Variants in SCIN observed in about 807,000 individuals in gnomAD.
The protein encoded by SCIN is adseverin.
A neutral mutation model predicts 91.8 loss-of-function variants in SCIN; 91 were observed. The observed-to-expected ratio is 0.99, with a 90% confidence interval of 0.84 to 1.18. The LOEUF (loss-of-function observed/expected upper bound fraction) is 1.18, where lower values mean the gene tolerates loss of function less well. Among genes scored for constraint, SCIN ranks in the 50% most tolerant of loss-of-function variants. The pLI is 0.00. For missense variants in SCIN, 1,087 were observed against 863.9 expected (o/e 1.26, Z -3.24); for synonymous variants, 367 against 312.6 (o/e 1.17, Z -1.84).
At chr7:12,608,787 C>T (rs1326429788) in intron 4 of SCIN, among the ~76,000 whole-genome samples, 1 of 152,078 alleles carries the variant, frequency 6.6e-6, no homozygotes, top group Non-Finnish European at 1.5e-5. Context: ...TAAATTTGAC[C>T]TTTTAAAAGA....
At chr7:12,644,559 G>A (rs1274917936) in intron 12 of SCIN, 25 bp from the exon 13 acceptor site, 1 of 1,612,106 alleles carries the variant, frequency 6.2e-7, no homozygotes, top group Non-Finnish European at 8.5e-7. Flanking sequence ...AAAATGCACT[G>A]GATAACTGAG....
At chr7:12,614,410 C>G (rs1783258444) in intron 4 of SCIN, among the ~76,000 whole-genome samples, 1 of 152,152 alleles carries the variant, frequency 6.6e-6, no homozygotes, top group African/African-American at 2.4e-5. Flanking sequence ...CTTCTAGGAG[C>G]TTTACAGGAT....
chr7:12,631,306 C>T (rs568377362), intron 9 of SCIN, among the ~76,000 whole-genome samples: 10 of 152,172 alleles, frequency 6.6e-5, no homozygotes, highest in African/African-American at 1.9e-4. Context: ...GGAGCTTATA[C>T]GTAATGAGAA....
Position 12,652,606 on chromosome 7 carries a change from C to T in SCIN, c.2039C>T (p.Thr680Ile), listed in dbSNP as rs1397575525. ...TTTTTAGCCAAAATGTACCTTGAGA[C>T]AGACCCTTCTGGAAGAGACAAGAGG... The part of the protein sequence containing the change: ...SLKSAKMYLE[T>I]DPSGRDKRTP... Residue 680 changes from threonine to isoleucine, a missense_variant, in exon 16 of 16, where the codon ACA becomes ATA. Physicochemically the swap from Thr to Ile is moderately conservative, Grantham distance 89. Coordinates refer to ENST00000297029, the MANE Select transcript of SCIN (RefSeq NM_001112706.3). 1 of 1,612,964 alleles carries T rather than the reference C, an allele frequency of 6.2e-7. No individual in the cohort carries two copies. Among genetic ancestry groups the T allele is most frequent in the Non-Finnish European group, 8.5e-7 (1 of 1,179,538 alleles).
chr7:12,577,516 A>G (rs1380447289), intron 1 of SCIN: 1 of 456,256 alleles, frequency 2.2e-6, no homozygotes, highest in African/African-American at 2.0e-5. Flanking sequence ...TTCACACAAC[A>G]GTGTTTCTTT....
At chr7:12,647,252 T>C (rs978799173) in intron 13 of SCIN, among the ~76,000 whole-genome samples, 3 of 152,246 alleles carry the variant, frequency 2.0e-5, no homozygotes, top group Non-Finnish European at 2.9e-5. Context: ...ACATTTCCTC[T>C]GCACCAACTC....
intron 4 of SCIN, among the ~76,000 whole-genome samples, chr7:12,607,067 C>G (rs1583295436): frequency 6.6e-6 from 1 of 152,156 alleles, no homozygotes; most frequent in Admixed American, 6.5e-5. Context: ...GAAGCAGATT[C>G]AGGAACAGGA....
At chr7:12,642,639 C>G (rs542137678) in intron 11 of SCIN, among the ~76,000 whole-genome samples, 2 of 149,958 alleles carry the variant, frequency 1.3e-5, no homozygotes, top group South Asian at 4.4e-4. Flanking sequence ...TTGCCAGTGA[C>G]CTGCCACATG....
In SCIN at chr7:12,651,038, A is replaced by C. The variant is rs1784068911; in HGVS notation, c.1960-803A>C. ...ATCAGTTGATAAAGGGCAGATTAATAGGAGAAAAGGCATACAAATATATTA... is the reference window on the plus strand; with the variant it reads ...ATCAGTTGATAAAGGGCAGATTAATCGGAGAAAAGGCATACAAATATATTA... On this transcript the variant is annotated intron_variant, in intron 14 of 15. Coordinates refer to ENST00000297029, the MANE Select transcript of SCIN (RefSeq NM_001112706.3). The surrounding 1 kb of genome is among the most constrained non-coding windows in gnomAD (Gnocchi z 5.9). Among the ~76,000 whole-genome samples, 1 of 152,202 alleles carries C rather than the reference A, an allele frequency of 6.6e-6. No individual in the cohort carries two copies. The highest frequency in any genetic ancestry group is 1.5e-5 in the Non-Finnish European group (1 of 68,040).
At chr7:12,593,207 A>G (rs1782763455) in intron 3 of SCIN, among the ~76,000 whole-genome samples, 1 of 152,198 alleles carries the variant, frequency 6.6e-6, no homozygotes. Flanking sequence ...GTTTGCTGCT[A>G]TCAGGTCTTT....
intron 4 of SCIN, among the ~76,000 whole-genome samples, chr7:12,608,169 T>G (rs1783117055): frequency 6.6e-6 from 1 of 152,220 alleles, no homozygotes; most frequent in East Asian, 1.9e-4. Context: ...AAAATATGTA[T>G]TTTGATATTT....
chr7:12,654,672 T>C lies in SCIN; in HGVS notation c.*1957T>C, dbSNP rs1399087308. Reference sequence around the variant, plus strand: ...GGTGAGTGGCTTAGGGTACACTGTATTTTACGATGTTTCTCTAGTTTAGCC... The same window carrying C: ...GGTGAGTGGCTTAGGGTACACTGTACTTTACGATGTTTCTCTAGTTTAGCC... On this transcript the variant is annotated 3_prime_UTR_variant, in exon 16 of 16. Transcript: ENST00000297029. 6.6e-6 allele frequency: 1 copy of C among 152,180 alleles called. No homozygotes were observed. The highest frequency in any genetic ancestry group is 1.5e-5 in the Non-Finnish European group (1 of 68,012). 9.4% of individuals were successfully genotyped at this position (152,180 alleles called of 1,614,324 possible).
In SCIN at chr7:12,657,033, T is replaced by C. The variant is rs1183579954; in HGVS notation, c.*4318T>C. 1.3e-5 allele frequency: 2 copies of C among 151,582 alleles called. No homozygotes were observed. The highest frequency in any genetic ancestry group is 4.8e-5 in the African/African-American group (2 of 41,252). 9.4% of individuals were successfully genotyped at this position (151,582 alleles called of 1,614,324 possible). ...CCAAGTAAAAATACAGGAGAGGATA[T>C]AGTGAAACTGGAGCTTACATCCACT... is the stretch of plus-strand genomic sequence containing the variant. On this transcript the variant is annotated 3_prime_UTR_variant, in exon 16 of 16. Transcript: ENST00000297029.
chr7:12,610,972 C>T (rs997739900), intron 4 of SCIN: 1 of 152,250 alleles, frequency 6.6e-6, no homozygotes, highest in Non-Finnish European at 1.5e-5. Context: ...CAGGTCAGGT[C>T]ATCACCCCTT....
chr7:12,641,862 C>T (rs1783865453), intron 11 of SCIN, among the ~76,000 whole-genome samples: 1 of 152,070 alleles, frequency 6.6e-6, no homozygotes, highest in African/African-American at 2.4e-5. Flanking sequence ...AACTTTGATT[C>T]AGAGTTCACA....
In SCIN at chr7:12,652,728, A is replaced by G; in HGVS notation, c.*13A>G. On this transcript the variant is annotated 3_prime_UTR_variant, in exon 16 of 16. Transcript: ENST00000297029. ...CAGCAAGTGGTAAATTGGTATTTGT[A>G]AAAAGCAAACAAACATTACAAGGCA... 6.2e-7 allele frequency: 1 copy of G among 1,600,648 alleles called. No homozygotes were observed.
chr7:12,596,425 A>G (rs1782843092), intron 3 of SCIN: 1 of 455,538 alleles, frequency 2.2e-6, no homozygotes, highest in Non-Finnish European at 4.4e-6. Context: ...TTAGTGCAAC[A>G]GGTGTGAACC....
chr7:12,603,929 A>G (rs1783017184), intron 3 of SCIN, among the ~76,000 whole-genome samples: 1 of 152,018 alleles, frequency 6.6e-6, no homozygotes, highest in South Asian at 2.1e-4. Context: ...CCTTTTATGA[A>G]TAATTTATTA....
In SCIN at chr7:12,652,711, G is replaced by A. The variant is rs1310483398; in HGVS notation, c.2144G>A (p.Trp715Ter). 25 of 1,601,444 alleles carry A rather than the reference G, an allele frequency of 1.6e-5. No homozygotes were observed. The highest frequency in any genetic ancestry group is 2.1e-5 in the Non-Finnish European group (25 of 1,176,170). ...TTCCTGGGCTGGGATTCCAGCAAGT[G>A]GTAAATTGGTATTTGTAAAAAGCAA... is the stretch of plus-strand genomic sequence containing the variant. ...GWFLGWDSSK[W>*] The change falls in exon 16 of 16, where the codon TGG (tryptophan) becomes TAG (stop). Residue 715 changes from tryptophan (W) to a stop codon, truncating the protein, a stop_gained. Transcript: ENST00000297029. LOFTEE classifies it high-confidence loss of function.
Sources: gnomAD v4.1 joint callset for allele counts (sites outside exome capture counted in the v4.1 genomes callset) on GRCh38, gnomAD v4.1.1 for gene constraint, Gnocchi (gnomAD v3.1) non-coding constraint, MANE v1.5 for transcripts, NCBI Gene and HGNC (gene_info 2026-07-23, HGNC 2026-07-21) for gene names.